Variants in ATRNL1 observed in about 807,000 individuals in gnomAD.
ATRNL1 encodes the protein attractin like 1, also known as attractin-like protein 1.
A neutral mutation model predicts 182.7 loss-of-function variants in ATRNL1; 95 were observed. The observed-to-expected ratio is 0.52, with a 90% CI of 0.44 to 0.62. The LOEUF (loss-of-function observed/expected upper bound fraction) is 0.62, where lower values mean the gene tolerates loss of function less well. Among genes scored for constraint, ATRNL1 ranks in the 20% least tolerant of loss-of-function variants. The pLI, the probability that ATRNL1 is intolerant of heterozygous loss-of-function variation, is 0.00. For missense variants in ATRNL1, 1,471 were observed against 1,679.5 expected (o/e 0.88, Z 2.17); for synonymous variants, 576 against 568.3 (o/e 1.01, Z -0.19).
chr10:115,371,188 G>A (rs958843227), intron 19 of ATRNL1, among the ~76,000 whole-genome samples: 1 of 152,174 alleles, frequency 6.6e-6, no homozygotes, highest in African/African-American at 2.4e-5. Flanking sequence ...CAGGGGTGGG[G>A]CACTCATGGA....
intron 27 of ATRNL1, among the ~76,000 whole-genome samples, chr10:115,829,985 G>A (rs1446881938): frequency 6.6e-6 from 1 of 152,202 alleles, no homozygotes; most frequent in Non-Finnish European, 1.5e-5. Flanking sequence ...CTATTCTACA[G>A]TAAGTGCAGT....
At chr10:115,493,104 T>A (rs1015519111) in intron 24 of ATRNL1, among the ~76,000 whole-genome samples, 1 of 152,056 alleles carries the variant, frequency 6.6e-6, no homozygotes, top group Non-Finnish European at 1.5e-5. Flanking sequence ...TGTGAAATTG[T>A]TATTTATTTC....
chr10:115,197,105 GT>G (rs1302728600), intron 8 of ATRNL1, among the ~76,000 whole-genome samples: 10 of 150,972 alleles, frequency 6.6e-5, no homozygotes, highest in South Asian at 2.1e-4. Context: ...CCTCGAAATA[GT>G]TTTTTTTTCC....
chr10:115,240,549 G>A (rs1384384877), intron 9 of ATRNL1, among the ~76,000 whole-genome samples: 6 of 151,930 alleles, frequency 3.9e-5, no homozygotes, highest in African/African-American at 1.2e-4. Context: ...ACAACACCAC[G>A]CCTGGCTGAG....
In ATRNL1 at chr10:115,536,654, A is replaced by G. The variant is rs1156713489; in HGVS notation, c.3717-12804A>G. ...CCACTGTCTGGCACTCCCTAGTGAG[A>G]TGAACCCGGTACCTCAGATGGAAAT... On this transcript the variant is annotated intron_variant, in intron 25 of 28. Transcript: ENST00000355044. 2.0e-5 allele frequency among the ~76,000 whole-genome samples: 3 copies of G among 152,180 alleles called. No homozygotes were observed. The East Asian group carries it at 5.8e-4, about 29-fold the overall frequency.
intron 8 of ATRNL1, among the ~76,000 whole-genome samples, chr10:115,201,868 G>A (rs1201668433): frequency 2.0e-5 from 3 of 152,162 alleles, no homozygotes; most frequent in Non-Finnish European, 4.4e-5. Flanking sequence ...CATGAGCATG[G>A]AATATTCTTC....
chr10:115,619,223 G>C (rs1217579314), intron 26 of ATRNL1, among the ~76,000 whole-genome samples: 1 of 152,160 alleles, frequency 6.6e-6, no homozygotes, highest in African/African-American at 2.4e-5. Context: ...GTGCATGGTT[G>C]CCACTCTACT....
chr10:115,336,716 T>A (rs1554936806), intron 19 of ATRNL1, among the ~76,000 whole-genome samples: 1 of 152,244 alleles, frequency 6.6e-6, no homozygotes, highest in East Asian at 1.9e-4. Context: ...GTAATTTACT[T>A]AATATATTTC....
At chr10:115,781,582 A>G (rs924026111) in intron 27 of ATRNL1, among the ~76,000 whole-genome samples, 23 of 152,208 alleles carry the variant, frequency 1.5e-4, no homozygotes, top group Non-Finnish European at 4.4e-5. Context: ...AGAGTATCCT[A>G]CTTATATCAA....
intron 21 of ATRNL1, among the ~76,000 whole-genome samples, chr10:115,460,246 C>T (rs1847728241): frequency 1.3e-5 from 2 of 152,082 alleles, no homozygotes; most frequent in East Asian, 1.9e-4. Context: ...AAATTGTTAT[C>T]TACTACGCAT....
In ATRNL1 at chr10:115,188,367, C is replaced by G. The variant is rs946640450; in HGVS notation, c.1348+17075C>G. ...TGTCAGTTTGTCCTTTTTTGTTATA[C>G]TTAGAATTACGGCTTTTAGGGAATC... On this transcript the variant is annotated intron_variant, in intron 8 of 28. Transcript: ENST00000355044. Among the ~76,000 whole-genome samples, 39 of 152,034 alleles carry G rather than the reference C, an allele frequency of 2.6e-4. 1 individual carries two copies. Among genetic ancestry groups the G allele is most frequent in the African/African-American group, 9.4e-4 (39 of 41,430 alleles).
chr10:115,756,083 G>A (rs1166125436), intron 27 of ATRNL1, among the ~76,000 whole-genome samples: 3 of 151,966 alleles, frequency 2.0e-5, no homozygotes, highest in African/African-American at 7.3e-5. Context: ...CTGGCTAGAG[G>A]TCTATCTATT....
intron 19 of ATRNL1, among the ~76,000 whole-genome samples, chr10:115,389,586 ATATATTTCATCCAATGATGGACACC>A (rs1258527092): frequency 6.6e-5 from 6 of 91,202 alleles, no homozygotes; most frequent in African/African-American, 2.7e-4. Flanking sequence ...ATATATATAT[ATATATTTCATCCAATGATGGACACC>A]TAGGTTGCAT....
In ATRNL1 at chr10:115,802,159, A is replaced by T. The variant is rs188206948; in HGVS notation, c.3904-45718A>T. On this transcript the variant is annotated intron_variant, in intron 27 of 28. Transcript: ENST00000355044. ...CCTCCTCCCAGAGACTACTAAGGCCATGTCAAGGAAGCTGTCTCCCCTATG... is the reference window on the plus strand; with the variant it reads ...CCTCCTCCCAGAGACTACTAAGGCCTTGTCAAGGAAGCTGTCTCCCCTATG... 2.0e-5 allele frequency among the ~76,000 whole-genome samples: 3 copies of T among 152,180 alleles called. No individual in the cohort carries two copies. In the East Asian group the frequency reaches 5.8e-4, roughly 29 times the overall value.
intron 28 of ATRNL1, among the ~76,000 whole-genome samples, chr10:115,921,421 A>G (rs1161544731): frequency 1.3e-5 from 2 of 152,220 alleles, no homozygotes; most frequent in South Asian, 2.1e-4. Flanking sequence ...TCATGCCTCT[A>G]TAAAGCAGTT....
At chr10:115,259,316 C>T (rs879985653) in intron 10 of ATRNL1, among the ~76,000 whole-genome samples, 4 of 152,194 alleles carry the variant, frequency 2.6e-5, no homozygotes, top group Non-Finnish European at 5.9e-5. Flanking sequence ...CTAGTCAAGC[C>T]TCAGCAATGG....
At chr10:115,385,960 A>G (rs562090148) in intron 19 of ATRNL1, among the ~76,000 whole-genome samples, 1 of 151,952 alleles carries the variant, frequency 6.6e-6, no homozygotes, top group East Asian at 1.9e-4. Context: ...CTTAATTGCT[A>G]TGGTTTTAAA....
At chr10:115,583,063 T>C (rs1237552518) in intron 26 of ATRNL1, among the ~76,000 whole-genome samples, 5 of 150,284 alleles carry the variant, frequency 3.3e-5, no homozygotes, top group African/African-American at 9.7e-5. Context: ...TGTACATATG[T>C]GGCATTATTT....
At chr10:115,210,412 C>T (rs1554894724) in intron 8 of ATRNL1, among the ~76,000 whole-genome samples, 1 of 151,892 alleles carries the variant, frequency 6.6e-6, no homozygotes, top group Non-Finnish European at 1.5e-5. Flanking sequence ...TCTCCCACCA[C>T]AGTTAAGATA....
Sources: allele counts gnomAD v4.1 joint callset (sites outside exome capture counted in the v4.1 genomes callset), GRCh38; gene constraint gnomAD v4.1.1; transcripts MANE v1.5; gene names NCBI Gene and HGNC (gene_info 2026-07-23, HGNC 2026-07-21).